COL25A1: variants seen among roughly 807,000 people sequenced by gnomAD.
The protein encoded by COL25A1 is collagen alpha-1(XXV) chain.
COL25A1 carries 103 observed loss-of-function variants against 128.4 expected under a neutral mutation model. The ratio of observed to expected loss-of-function variants is 0.80; its 90% CI spans 0.68 to 0.94. COL25A1 has a LOEUF of 0.94. COL25A1 is among the 40% of genes least tolerant of loss of function. The probability of loss-of-function intolerance (pLI) is 0.00; values close to 1 mark genes in which losing one functional copy is unlikely to be tolerated. For missense variants in COL25A1, 745 were observed against 840.0 expected, an observed-to-expected ratio of 0.89 and a Z score of 1.40; for synonymous variants, 279 against 277.2, an observed-to-expected ratio of 1.01 and a Z score of -0.06.
At chr4:109,285,598 T>C (rs546790440) in intron 3 of COL25A1, among the ~76,000 whole-genome samples, 15 of 152,338 alleles carry the variant, frequency 9.8e-5, no homozygotes, top group African/African-American at 3.1e-4. Context: ...GTGCCAGTGG[T>C]TGTGAGAAGC....
At chr4:108,974,218 T>G (rs1752204740) in intron 8 of COL25A1, 149 bp downstream of exon 8, 1 of 722,672 alleles carries the variant, frequency 1.4e-6, no homozygotes, top group Non-Finnish European at 2.4e-6. Flanking sequence ...GTTAATCAGG[T>G]TTTTTTCACT....
intron 3 of COL25A1, among the ~76,000 whole-genome samples, chr4:109,059,971 G>A (rs1352607908): frequency 1.3e-5 from 2 of 152,090 alleles, no homozygotes; most frequent in Non-Finnish European, 2.9e-5. Context: ...TTTGAAATCA[G>A]CCATAAGGAC....
chr4:108,827,075 T>C, intron 33 of COL25A1, 60 bp downstream of exon 33: 1 of 1,448,858 alleles, frequency 6.9e-7, no homozygotes, highest in Non-Finnish European at 9.7e-7. Context: ...GTTAACCGTG[T>C]CAGTGACTGG....
intron 3 of COL25A1, among the ~76,000 whole-genome samples, chr4:109,297,620 A>G (rs1231021476): frequency 6.6e-6 from 1 of 152,100 alleles, no homozygotes; most frequent in Non-Finnish European, 1.5e-5. Context: ...AATTAAGTAC[A>G]GTGTTCTAGT....
intron 3 of COL25A1, among the ~76,000 whole-genome samples, chr4:109,266,800 G>T (rs1039372845): frequency 6.6e-6 from 1 of 152,136 alleles, no homozygotes; most frequent in Non-Finnish European, 1.5e-5. Flanking sequence ...AGCAATTATA[G>T]TTATAAACTG....
In COL25A1 at chr4:108,918,221, A is replaced by G; in HGVS notation, c.736-5T>C. ...TCCAGGTGCTCCAATAGAACCCTAA[A>G]GAGACACATGATTAAATTCAGTTGA... On this transcript the variant is annotated splice_polypyrimidine_tract_variant and splice_region_variant and intron_variant, in intron 12 of 37. Coordinates refer to ENST00000399132, the MANE Select transcript of COL25A1 (RefSeq NM_198721.4). The G allele has an allele frequency of 6.3e-7, 1 of 1,591,622 alleles. No individual in the cohort carries two copies. The highest frequency in any genetic ancestry group is 1.1e-5 in the South Asian group (1 of 87,342).
At chr4:109,004,881 C>CG (rs1290615066) in intron 6 of COL25A1, among the ~76,000 whole-genome samples, 1 of 152,054 alleles carries the variant, frequency 6.6e-6, no homozygotes, top group Non-Finnish European at 1.5e-5. Context: ...GCAAGAACAG[C>CG]TTAACAAAGA....
At chr4:109,122,140 T>C (rs1038773707) in intron 3 of COL25A1, among the ~76,000 whole-genome samples, 1 of 152,024 alleles carries the variant, frequency 6.6e-6, no homozygotes, top group African/African-American at 2.4e-5. Context: ...GGATGAACAG[T>C]CTGAGCACAG....
Position 108,813,738 on chromosome 4 carries a change from T to A in COL25A1, c.*189A>T. On this transcript the variant is annotated 3_prime_UTR_variant, in exon 38 of 38. Coordinates refer to ENST00000399132, the MANE Select transcript of COL25A1 (RefSeq NM_198721.4). ...TCTATATTTTTTGCAGGATTCTCAC[T>A]GGTTTCACAAATTGCCCAATTTCAG... The A allele has an allele frequency of 3.7e-6, 2 of 547,536 alleles. No individual in the cohort carries two copies. Among genetic ancestry groups the A allele is most frequent in the Non-Finnish European group, 6.6e-6 (2 of 302,252 alleles). 33.9% of individuals were successfully genotyped at this position (547,536 alleles called of 1,614,324 possible).
intron 3 of COL25A1, among the ~76,000 whole-genome samples, chr4:109,073,594 T>G (rs1459319721): frequency 6.6e-6 from 1 of 152,246 alleles, no homozygotes; most frequent in Non-Finnish European, 1.5e-5. Flanking sequence ...TTTGGGATAT[T>G]GTAGCTTCAT....
chr4:108,977,449 A>G (rs1298072259), intron 6 of COL25A1, among the ~76,000 whole-genome samples: 2 of 152,346 alleles, frequency 1.3e-5, no homozygotes, highest in East Asian at 3.9e-4. Context: ...ATTAAGTTTA[A>G]GGACTTTATT....
chr4:109,258,497 G>A (rs941801043), intron 3 of COL25A1, among the ~76,000 whole-genome samples: 4 of 151,996 alleles, frequency 2.6e-5, no homozygotes, highest in African/African-American at 7.3e-5. Flanking sequence ...ACTAAAATAC[G>A]TAAAACACTT....
intron 3 of COL25A1, among the ~76,000 whole-genome samples, chr4:109,203,428 G>T (rs911142548): frequency 1.3e-5 from 2 of 151,956 alleles, no homozygotes; most frequent in Non-Finnish European, 2.9e-5. Flanking sequence ...AGCTGATGGA[G>T]TCCACCAAAT....
intron 3 of COL25A1, among the ~76,000 whole-genome samples, chr4:109,218,372 T>TGTTTGTTTG (rs1560887367): frequency 0.012 from 974 of 77,970 alleles, 34 homozygotes; most frequent in Middle Eastern, 0.043. Flanking sequence ...TTTTTTTTTT[T>TGTTTGTTTG]TTTTTTTTTT....
At chr4:108,929,289 A>T (rs1009347304) in intron 11 of COL25A1, among the ~76,000 whole-genome samples, 1 of 151,086 alleles carries the variant, frequency 6.6e-6, no homozygotes, top group African/African-American at 2.4e-5. Flanking sequence ...ATGCCTGCTA[A>T]TTTTTTCTAT....
At chr4:109,007,212 T>C (rs1648014) in intron 6 of COL25A1, among the ~76,000 whole-genome samples, 2 of 151,966 alleles carry the variant, frequency 1.3e-5, no homozygotes, top group Non-Finnish European at 2.9e-5. Context: ...CAATAGGTAA[T>C]GGGGAAAACA....
intron 3 of COL25A1, among the ~76,000 whole-genome samples, chr4:109,133,500 G>A (rs972296286): frequency 3.9e-5 from 6 of 152,064 alleles, no homozygotes; most frequent in South Asian, 4.1e-4. Context: ...AACAAGCAGA[G>A]ATTCAGTTGT....
intron 20 of COL25A1, among the ~76,000 whole-genome samples, chr4:108,867,511 T>C (rs189224802): frequency 7.2e-5 from 11 of 152,350 alleles, no homozygotes; most frequent in African/African-American, 2.6e-4. Context: ...TGAAGAAATT[T>C]CTTGAGAAAA....
At chr4:109,108,825 G>T (rs572398144) in intron 3 of COL25A1, among the ~76,000 whole-genome samples, 1 of 151,926 alleles carries the variant, frequency 6.6e-6, no homozygotes, top group East Asian at 1.9e-4. Context: ...ACATGCTATT[G>T]CACACTTCTT....
Sources: allele counts gnomAD v4.1 joint callset (sites outside exome capture counted in the v4.1 genomes callset), GRCh38; gene constraint gnomAD v4.1.1; transcripts MANE v1.5; gene names NCBI Gene and HGNC (gene_info 2026-07-23, HGNC 2026-07-21).